The following INPP5B variants were observed in gnomAD, a reference collection of about 807,000 sequenced individuals.
INPP5B encodes type II inositol 1,4,5-trisphosphate 5-phosphatase.
Under a neutral mutation model 118.5 loss-of-function variants are expected in INPP5B, and 90 were observed. The ratio of observed to expected loss-of-function variants is 0.76; its 90% CI spans 0.64 to 0.90. INPP5B has a LOEUF of 0.90. Ranked by LOEUF, INPP5B falls within the 40% of genes least tolerant of loss-of-function variation. The pLI is 0.00. For synonymous variants in INPP5B, 385 were observed against 418.9 expected, an observed-to-expected ratio of 0.92 and a Z score of 0.99; for missense variants, 984 against 1,125.6, an observed-to-expected ratio of 0.87 and a Z score of 1.80.
chr1:37,932,490 T>C (rs535672644), intron 6 of INPP5B, among the ~76,000 whole-genome samples: 59 of 147,174 alleles, frequency 4.0e-4, no homozygotes, highest in African/African-American at 1.4e-3. Flanking sequence ...TGCCTCAGCC[T>C]CCCGAGTAGC....
intron 7 of INPP5B, chr1:37,928,450 C>G (rs1645325107): frequency 6.6e-6 from 1 of 152,606 alleles, no homozygotes; most frequent in Non-Finnish European, 1.5e-5. Flanking sequence ...CCTCTGCCTC[C>G]CAGGTTCAAG....
chr1:37,925,909 C>T (rs964952573), intron 7 of INPP5B, among the ~76,000 whole-genome samples: 1 of 152,146 alleles, frequency 6.6e-6, no homozygotes, highest in Non-Finnish European at 1.5e-5. Context: ...AACAAAGTGA[C>T]TTAAAATAAG....
intron 7 of INPP5B, among the ~76,000 whole-genome samples, chr1:37,902,724 A>AT (rs1398784525): frequency 6.6e-6 from 1 of 152,012 alleles, no homozygotes; most frequent in Non-Finnish European, 1.5e-5. Flanking sequence ...CACCCAGCTA[A>AT]TTTTTGTATT....
At chr1:37,939,254 T>C (rs903624343) in intron 6 of INPP5B, among the ~76,000 whole-genome samples, 13 of 147,514 alleles carry the variant, frequency 8.8e-5, no homozygotes, top group African/African-American at 3.2e-4. Context: ...ATCCCACCTA[T>C]TCAGGAGGCT....
At chr1:37,889,808 A>G (rs1217260654) in intron 8 of INPP5B, 84 bp from the exon 9 acceptor site, 45 of 1,010,724 alleles carry the variant, frequency 4.5e-5, no homozygotes, top group Non-Finnish European at 6.1e-5. Flanking sequence ...GTTCCCCTAT[A>G]CAAGCATCTA....
At chr1:37,881,222 G>A (rs1217912387) in intron 14 of INPP5B, among the ~76,000 whole-genome samples, 1 of 152,182 alleles carries the variant, frequency 6.6e-6, no homozygotes, top group Non-Finnish European at 1.5e-5. Context: ...TGCGAACTGG[G>A]GGAAGCTCTG....
At chr1:37,905,115 T>C (rs1644461204) in intron 7 of INPP5B, among the ~76,000 whole-genome samples, 1 of 151,732 alleles carries the variant, frequency 6.6e-6, no homozygotes, top group Non-Finnish European at 1.5e-5. Context: ...AAATATGTTA[T>C]TGAGGCCAGG....
At chr1:37,917,290 G>A (rs1354080380) in intron 7 of INPP5B, among the ~76,000 whole-genome samples, 1 of 71,688 alleles carries the variant, frequency 1.4e-5, no homozygotes, top group African/African-American at 4.8e-5. Flanking sequence ...CTCCGTCTCG[G>A]GGGAAAAAAA....
rs368327131 is a variant in INPP5B at position 37,917,308 on chromosome 1, T to TTATATATATATATATATATATATATA, written c.532+14579_532+14604dup. On this transcript the variant is annotated intron_variant, in intron 7 of 23. Transcript: ENST00000373024. ...CGTCTCGGGGGAAAAAAAAAAATAA[T>TTATATATATATATATATATATATATA]TATATATATATATATATATATATAT... is the stretch of plus-strand genomic sequence containing the variant. Among the ~76,000 whole-genome samples the TTATATATATATATATATATATATATA allele has an allele frequency of 2.6e-3, 240 of 92,704 alleles. 1 individual carries two copies. Among genetic ancestry groups the TTATATATATATATATATATATATATA allele is most frequent in the Middle Eastern group, 6.3e-3 (1 of 160 alleles). The allele number at this position is 92,704 out of a possible 152,430, so 60.8% of individuals were successfully genotyped here.
chr1:37,932,152 C>T (rs368821116), intron 6 of INPP5B, 99 bp from the exon 7 acceptor site: 2 of 969,758 alleles, frequency 2.1e-6, no homozygotes. Flanking sequence ...GTTTCTCCCG[C>T]GCACAGAAGG....
intron 7 of INPP5B, among the ~76,000 whole-genome samples, chr1:37,915,427 G>A (rs1644831570): frequency 1.3e-5 from 2 of 152,228 alleles, no homozygotes; most frequent in Non-Finnish European, 2.9e-5. Context: ...ATAGTCTCAT[G>A]TCAGTTCAAG....
intron 7 of INPP5B, among the ~76,000 whole-genome samples, chr1:37,910,272 C>T (rs979312595): frequency 1.3e-5 from 2 of 152,178 alleles, no homozygotes; most frequent in African/African-American, 4.8e-5. Context: ...GCGTGTTTCC[C>T]TTGCCTCCAT....
chr1:37,917,621 G>A (rs949221226), intron 7 of INPP5B, among the ~76,000 whole-genome samples: 1 of 151,870 alleles, frequency 6.6e-6, no homozygotes, highest in Non-Finnish European at 1.5e-5. Context: ...ACTGTGCCCA[G>A]CCAAAAAACT....
In INPP5B at chr1:37,931,955, A is replaced by G. The variant is rs754882986; in HGVS notation, c.490T>C (p.Ser164Pro). ...TACCCTGGCCAGGTAACTAGGGCCGAGTTACAACCGCGCGGCGTTGGCATC... is the reference window on the plus strand; with the variant it reads ...TACCCTGGCCAGGTAACTAGGGCCGGGTTACAACCGCGCGGCGTTGGCATC... ...LEMPTPRGCNSALVTWPGYAT... is the reference protein window; with the variant it reads ...LEMPTPRGCNPALVTWPGYAT... The change falls in exon 7 of 24, where the codon TCG becomes CCG. Residue 164 changes from serine (S) to proline (P), a missense_variant. By Grantham distance (74) the Ser-to-Pro change is moderately conservative. This residue lies in a region of INPP5B where 350 missense variants were observed against 334.6 expected (regional missense o/e 1.05). Transcript: ENST00000373024. 1.2e-6 allele frequency: 2 copies of G among 1,613,864 alleles called. No homozygotes were observed. Among genetic ancestry groups the G allele is most frequent in the Non-Finnish European group, 1.7e-6 (2 of 1,179,988 alleles).
chr1:37,935,323 C>T (rs1364120879), intron 6 of INPP5B, among the ~76,000 whole-genome samples: 1 of 150,656 alleles, frequency 6.6e-6, no homozygotes, highest in Non-Finnish European at 1.5e-5. Context: ...TCCCGAGTAG[C>T]TGGGACTACA....
chr1:37,881,925 C>T (rs948613594), intron 14 of INPP5B, among the ~76,000 whole-genome samples: 3 of 151,976 alleles, frequency 2.0e-5, no homozygotes, highest in Admixed American at 1.3e-4. Context: ...CGGTGAAACC[C>T]CGTCTTTACT....
chr1:37,936,445 AC>A (rs1467516846), intron 6 of INPP5B, among the ~76,000 whole-genome samples: 3 of 151,798 alleles, frequency 2.0e-5, no homozygotes, highest in African/African-American at 7.3e-5. Flanking sequence ...ACATGGTAAA[AC>A]CCTGTCTCTA....
At chr1:37,939,924 T>C (rs1375562327) in intron 6 of INPP5B, among the ~76,000 whole-genome samples, 1 of 152,070 alleles carries the variant, frequency 6.6e-6, no homozygotes, top group East Asian at 1.9e-4. Flanking sequence ...TGCTTCCTTT[T>C]CCCTTATCCC....
intron 7 of INPP5B, among the ~76,000 whole-genome samples, chr1:37,894,033 A>G (rs1643926263): frequency 6.6e-6 from 1 of 152,242 alleles, no homozygotes; most frequent in South Asian, 2.1e-4. Context: ...ATAGTGCAAA[A>G]GCAGCTGTGA....
Sources: gnomAD v4.1 joint callset for allele counts (sites outside exome capture counted in the v4.1 genomes callset) on GRCh38, gnomAD v4.1.1 for gene constraint, gnomAD v4.1.1 regional missense constraint, MANE v1.5 for transcripts, NCBI Gene and HGNC (gene_info 2026-07-23, HGNC 2026-07-21) for gene names.